MAD1L1: variants seen among roughly 807,000 people sequenced by gnomAD.
MAD1L1 encodes mitotic spindle assembly checkpoint protein MAD1.
Under a neutral mutation model 96.9 loss-of-function variants are expected in MAD1L1, and 95 were observed. The observed-to-expected ratio is 0.98, with a 90% CI of 0.83 to 1.16. The LOEUF (loss-of-function observed/expected upper bound fraction) is 1.16. Ranked by LOEUF, MAD1L1 falls within the 50% of genes most tolerant of loss-of-function variation. The probability of loss-of-function intolerance (pLI) is 0.00; values close to 1 mark genes in which losing one functional copy is unlikely to be tolerated. For missense variants in MAD1L1, 1,007 were observed against 954.4 expected (o/e 1.06, Z -0.73); for synonymous variants, 473 against 396.6 (o/e 1.19, Z -2.29).
At chr7:1,965,836 G>A (rs1447756609) in intron 15 of MAD1L1, among the ~76,000 whole-genome samples, 1 of 152,282 alleles carries the variant, frequency 6.6e-6, no homozygotes. Flanking sequence ...CCAGCAAAGT[G>A]CAACAGACGG....
rs1185632599 is a variant in MAD1L1, at chr7:1,986,477, T to G, written c.1417-5936A>C. Among the ~76,000 whole-genome samples, 8 of 147,928 alleles carry G rather than the reference T, an allele frequency of 5.4e-5. 1 individual carries two copies. Among genetic ancestry groups the G allele is most frequent in the African/African-American group, 2.0e-4 (8 of 39,942 alleles). On this transcript the variant is annotated intron_variant, in intron 14 of 18. Coordinates refer to ENST00000265854, the MANE Select transcript of MAD1L1 (RefSeq NM_001013836.2). ...CAAGGGCTCACGCCGGCAAGGGAGTTCTACTCCGCGGCTCCCTCGCGCCGG... is the reference window on the plus strand; with the variant it reads ...CAAGGGCTCACGCCGGCAAGGGAGTGCTACTCCGCGGCTCCCTCGCGCCGG...
chr7:2,073,683 C>T (rs937717354), intron 11 of MAD1L1, among the ~76,000 whole-genome samples: 1 of 152,216 alleles, frequency 6.6e-6, no homozygotes, highest in Non-Finnish European at 1.5e-5. Context: ...TAGCGTGAAG[C>T]GTGTGTTCTG....
chr7:2,026,094 A>G lies in MAD1L1; in HGVS notation c.1219-11452T>C, dbSNP rs1206609444. On this transcript the variant is annotated intron_variant, in intron 12 of 18. Transcript: ENST00000265854. ...TATAGTATACTACATTTATAATGAA[A>G]CAATTTAACAATGCTCAAAATGAAA... is the stretch of plus-strand genomic sequence containing the variant. 3.9e-5 allele frequency among the ~76,000 whole-genome samples: 6 copies of G among 152,344 alleles called. No individual in the cohort carries two copies. In the East Asian group the frequency reaches 1.2e-3, roughly 29 times the overall value.
chr7:2,072,627 G>A (rs149166242), intron 11 of MAD1L1, among the ~76,000 whole-genome samples: 21 of 152,318 alleles, frequency 1.4e-4, no homozygotes, highest in African/African-American at 3.8e-4. Context: ...TTTAAATCAC[G>A]GCTCCGTGTG....
At chr7:2,185,686 G>C (rs1043914670) in intron 10 of MAD1L1, among the ~76,000 whole-genome samples, 1 of 151,980 alleles carries the variant, frequency 6.6e-6, no homozygotes, top group Non-Finnish European at 1.5e-5. Context: ...TCATGAGAGA[G>C]AGACCATTTT....
At chr7:2,020,705 A>C (rs1467193806) in intron 12 of MAD1L1, among the ~76,000 whole-genome samples, 1 of 152,114 alleles carries the variant, frequency 6.6e-6, no homozygotes, top group Non-Finnish European at 1.5e-5. Flanking sequence ...AGTTAAAAAC[A>C]CACACAAGAC....
At position 2,103,928 on chromosome 7, in the gene MAD1L1, C is replaced by A. The variant is rs1039604091; in HGVS notation, c.1074-34590G>T. 6.6e-6 allele frequency among the ~76,000 whole-genome samples: 1 copy of A among 152,214 alleles called. No homozygotes were observed. The highest frequency in any genetic ancestry group is 1.5e-5 in the Non-Finnish European group (1 of 68,036). On this transcript the variant is annotated intron_variant, in intron 11 of 18. Transcript: ENST00000265854. This position sits in a 1 kb window ranked among gnomAD's most constrained non-coding sequence, Gnocchi z 4.3. ...TACAACACTCCACCCCGCTGGACGT[C>A]GGAGAAAGAGGCCCCCAGACACATG...
At chr7:2,149,732 G>A (rs931675719) in intron 10 of MAD1L1, among the ~76,000 whole-genome samples, 7 of 152,204 alleles carry the variant, frequency 4.6e-5, no homozygotes, top group South Asian at 2.1e-4. Context: ...GTTGTTCACC[G>A]TTTCCATTTT....
At chr7:2,206,162 T>C (rs1387504408) in intron 10 of MAD1L1, among the ~76,000 whole-genome samples, 1 of 152,220 alleles carries the variant, frequency 6.6e-6, no homozygotes, top group Admixed American at 6.5e-5. Flanking sequence ...AAAGTATCTG[T>C]TAAAAGTCTT....
At chr7:1,888,451 T>C (rs544853981) in intron 18 of MAD1L1, among the ~76,000 whole-genome samples, 2,697 of 146,426 alleles carry the variant, frequency 0.018, 76 homozygotes, top group African/African-American at 0.068. Context: ...TACATGTGTG[T>C]GCACGCATGT....
intron 11 of MAD1L1, among the ~76,000 whole-genome samples, chr7:2,092,559 A>G (rs1160460909): frequency 6.6e-6 from 1 of 151,706 alleles, no homozygotes; most frequent in African/African-American, 2.4e-5. Context: ...GCCCCGCCCG[A>G]GCATCCTCCC....
chr7:1,894,637 C>T (rs1786753031), intron 18 of MAD1L1, among the ~76,000 whole-genome samples: 1 of 152,120 alleles, frequency 6.6e-6, no homozygotes, highest in Non-Finnish European at 1.5e-5. Context: ...GGCCCATATC[C>T]AGCAGGCGAT....
intron 18 of MAD1L1, among the ~76,000 whole-genome samples, chr7:1,880,837 C>T (rs565888830): frequency 1.4e-4 from 21 of 152,322 alleles, no homozygotes; most frequent in South Asian, 2.1e-4. Flanking sequence ...AACTGAGAGA[C>T]GGTGAGCTGG....
At chr7:1,865,397 C>T (rs1256167944) in intron 18 of MAD1L1, among the ~76,000 whole-genome samples, 1 of 152,244 alleles carries the variant, frequency 6.6e-6, no homozygotes, top group Non-Finnish European at 1.5e-5. Context: ...GCATCCCAGC[C>T]CTGCTGCTGC....
At chr7:1,821,743 C>G (rs1782135318) in intron 18 of MAD1L1, among the ~76,000 whole-genome samples, 1 of 152,206 alleles carries the variant, frequency 6.6e-6, no homozygotes, top group South Asian at 2.1e-4. Flanking sequence ...CCATTCCTGA[C>G]AAGAACTCTT....
intron 5 of MAD1L1, among the ~76,000 whole-genome samples, chr7:2,221,738 C>CA (rs1793620210): frequency 6.6e-6 from 1 of 152,182 alleles, no homozygotes; most frequent in Admixed American, 6.5e-5. Context: ...TGCAGACAGT[C>CA]AAAGATATGC....
intron 18 of MAD1L1, among the ~76,000 whole-genome samples, chr7:1,837,251 G>C (rs1481089196): frequency 6.6e-6 from 1 of 152,204 alleles, no homozygotes; most frequent in Admixed American, 6.5e-5. Flanking sequence ...AAACCGCAAT[G>C]AGACGCCGTC....
At chr7:1,959,468 G>A (rs983494740) in intron 15 of MAD1L1, among the ~76,000 whole-genome samples, 2 of 152,128 alleles carry the variant, frequency 1.3e-5, no homozygotes, top group African/African-American at 2.4e-5. Flanking sequence ...CAACAGACAC[G>A]AGGCAGCGCA....
intron 11 of MAD1L1, among the ~76,000 whole-genome samples, chr7:2,144,466 C>T (rs1220623622): frequency 6.6e-6 from 1 of 152,178 alleles, no homozygotes; most frequent in East Asian, 1.9e-4. Context: ...AGAGCATGGC[C>T]CCACGCATCC....
Sources: allele counts gnomAD v4.1 joint callset (sites outside exome capture counted in the v4.1 genomes callset), GRCh38; gene constraint gnomAD v4.1.1; non-coding constraint Gnocchi (gnomAD v3.1); transcripts MANE v1.5; gene names NCBI Gene and HGNC (gene_info 2026-07-23, HGNC 2026-07-21).